Variants in TSHZ3 observed in about 807,000 individuals in gnomAD.
TSHZ3 encodes the protein teashirt zinc finger homeobox 3, also known as teashirt homolog 3.
A neutral mutation model predicts 64.5 loss-of-function variants in TSHZ3; 10 were observed. The observed-to-expected ratio is 0.16, with a 90% CI of 0.10 to 0.26. The LOEUF (loss-of-function observed/expected upper bound fraction) is 0.26. Ranked by LOEUF, TSHZ3 falls within the 10% of genes least tolerant of loss-of-function variation. TSHZ3 has a pLI of 1.00. For missense variants in TSHZ3, 1,242 were observed against 1,421.7 expected (o/e 0.87, Z 2.03); for synonymous variants, 608 against 593.1 (o/e 1.03, Z -0.36).
At chr19:31,306,953 C>G (rs1304316465) in intron 1 of TSHZ3, among the ~76,000 whole-genome samples, 7 of 152,146 alleles carry the variant, frequency 4.6e-5, no homozygotes, top group Admixed American at 6.5e-5. Flanking sequence ...ATTTAGAGTT[C>G]TCTCCTGCAG....
intron 5 of TSHZ3, chr19:31,195,621 C>A (rs1263829083): frequency 1.3e-5 from 2 of 151,662 alleles, no homozygotes; most frequent in Admixed American, 6.6e-5. Context: ...AAAAGAAGTG[C>A]TTTAGAGAGC....
At chr19:31,218,901 T>C (rs139841978) in intron 4 of TSHZ3, among the ~76,000 whole-genome samples, 1,683 of 152,328 alleles carry the variant, frequency 0.011, 23 homozygotes, top group Non-Finnish European at 0.017. Context: ...TCACTCCCCA[T>C]GGTCTGAGGT....
intron 1 of TSHZ3, among the ~76,000 whole-genome samples, chr19:31,254,141 C>A (rs1975877766): frequency 6.6e-6 from 1 of 152,186 alleles, no homozygotes; most frequent in African/African-American, 2.4e-5. Context: ...GAATGGGAGA[C>A]TGAGTGACCT....
intron 1 of TSHZ3, among the ~76,000 whole-genome samples, chr19:31,348,483 AG>A (rs908873112): frequency 6.7e-6 from 1 of 149,374 alleles, no homozygotes; most frequent in Non-Finnish European, 1.5e-5. Context: ...AAAAAAAAAA[AG>A]GAGGAACAAA....
At chr19:31,241,871 T>C (rs370294370) in intron 3 of TSHZ3, among the ~76,000 whole-genome samples, 11 of 152,336 alleles carry the variant, frequency 7.2e-5, no homozygotes, top group African/African-American at 1.4e-4. Context: ...TCTAGTTTTA[T>C]AGTTCTTTAT....
intron 5 of TSHZ3, among the ~76,000 whole-genome samples, chr19:31,198,174 A>T (rs924271684): frequency 6.6e-6 from 1 of 152,168 alleles, no homozygotes; most frequent in Non-Finnish European, 1.5e-5. Context: ...AATCTACCAC[A>T]TCAGCAAGCT....
At chr19:31,237,542 G>T (rs8111917) in intron 3 of TSHZ3, among the ~76,000 whole-genome samples, 56,423 of 151,770 alleles carry the variant, frequency 0.37, 14,427 homozygotes, top group African/African-American at 0.72. Flanking sequence ...TATTAAGTTT[G>T]TTTTCAAAGA....
At chr19:31,299,340 A>G (rs1211809049) in intron 1 of TSHZ3, among the ~76,000 whole-genome samples, 2 of 152,148 alleles carry the variant, frequency 1.3e-5, no homozygotes, top group Non-Finnish European at 2.9e-5. Context: ...GAAAAATGGG[A>G]CAATATCATC....
At chr19:31,221,661 G>T (rs1042151851) in intron 4 of TSHZ3, among the ~76,000 whole-genome samples, 16 of 152,082 alleles carry the variant, frequency 1.1e-4, no homozygotes, top group Non-Finnish European at 2.1e-4. Flanking sequence ...TCCATGTTTG[G>T]TGGTAAGTTA....
intron 1 of TSHZ3, among the ~76,000 whole-genome samples, chr19:31,265,397 C>CAAAAAAAA (rs11432951): frequency 3.5e-4 from 12 of 34,234 alleles, no homozygotes; most frequent in South Asian, 5.0e-3. Flanking sequence ...AACTCTGTCT[C>CAAAAAAAA]AAAAAAAAAA....
chr19:31,191,813 C>T (rs992634855), intron 5 of TSHZ3, among the ~76,000 whole-genome samples: 7 of 152,078 alleles, frequency 4.6e-5, no homozygotes, highest in East Asian at 1.9e-4. Context: ...GAGCCATGAT[C>T]GCACCACTGC....
chr19:31,220,178 T>C (rs1269705833), intron 4 of TSHZ3, among the ~76,000 whole-genome samples: 7 of 152,218 alleles, frequency 4.6e-5, no homozygotes, highest in East Asian at 1.9e-4. Flanking sequence ...CATTGGTGTA[T>C]GTTATTTTTG....
chr19:31,162,844 CAG>C (rs1402456696), intron 5 of TSHZ3, among the ~76,000 whole-genome samples: 1 of 152,210 alleles, frequency 6.6e-6, no homozygotes, highest in East Asian at 1.9e-4. Context: ...CATGGGCACT[CAG>C]AGAGACCCCG....
At chr19:31,169,580 C>G (rs752421557) in intron 5 of TSHZ3, among the ~76,000 whole-genome samples, 4 of 151,972 alleles carry the variant, frequency 2.6e-5, no homozygotes, top group Admixed American at 6.6e-5. Context: ...CACTTAATAC[C>G]ACTGAGTTGT....
intron 3 of TSHZ3, among the ~76,000 whole-genome samples, chr19:31,232,039 G>C (rs1004655124): frequency 6.6e-6 from 1 of 152,092 alleles, no homozygotes; most frequent in Non-Finnish European, 1.5e-5. Flanking sequence ...TCAGAATAAA[G>C]GGAAATTTCA....
chr19:31,195,159 G>A (rs545986473), intron 5 of TSHZ3, among the ~76,000 whole-genome samples: 1 of 151,792 alleles, frequency 6.6e-6, no homozygotes, highest in African/African-American at 2.4e-5. Context: ...AGAGGAGAAA[G>A]GTACAGAAGA....
chr19:31,155,463 A>C (rs745993961), intron 6 of TSHZ3, among the ~76,000 whole-genome samples: 21 of 152,188 alleles, frequency 1.4e-4, no homozygotes, highest in Non-Finnish European at 2.9e-4. Context: ...CAGAAAATGG[A>C]ATAATTGTGA....
intron 3 of TSHZ3, among the ~76,000 whole-genome samples, chr19:31,233,315 C>T (rs1393208839): frequency 6.6e-6 from 1 of 152,158 alleles, no homozygotes; most frequent in Non-Finnish European, 1.5e-5. Context: ...AAGTGGTATT[C>T]CATTTTAATC....
intron 3 of TSHZ3, among the ~76,000 whole-genome samples, chr19:31,241,003 C>T (rs901323175): frequency 6.6e-6 from 1 of 152,124 alleles, no homozygotes; most frequent in Non-Finnish European, 1.5e-5. Context: ...AGTCATCTTA[C>T]ATTTAGTTTC....
Sources: allele counts gnomAD v4.1 joint callset (sites outside exome capture counted in the v4.1 genomes callset), GRCh38; gene constraint gnomAD v4.1.1; transcripts MANE v1.5; gene names NCBI Gene and HGNC (gene_info 2026-07-23, HGNC 2026-07-21).